The following ZNF506 variants were observed in gnomAD, a reference collection of about 807,000 sequenced individuals.
The protein encoded by ZNF506 is zinc finger protein 506.
ZNF506 carries 10 observed loss-of-function variants against 11.6 expected under a neutral mutation model. That is an observed-to-expected ratio of 0.86 (90% CI 0.53 to 1.46). The LOEUF (loss-of-function observed/expected upper bound fraction) is 1.46, where lower values mean the gene tolerates loss of function less well. Ranked by LOEUF, ZNF506 falls within the 40% of genes most tolerant of loss-of-function variation. The pLI is 0.00. For synonymous variants in ZNF506, 156 were observed against 173.3 expected (o/e 0.90, Z 0.78); for missense variants, 425 against 521.2 (o/e 0.82, Z 1.80).
chr19:19,817,667 A>G (rs2062944044), intron 1 of ZNF506, among the ~76,000 whole-genome samples: 1 of 152,144 alleles, frequency 6.6e-6, no homozygotes. Context: ...TGGGCCTTTA[A>G]TAACTTCCTC....
rs1395746212 is a variant in ZNF506 at position 19,793,396 on chromosome 19, T to TG, written c.*1155dup. Among the ~76,000 whole-genome samples the TG allele has an allele frequency of 1.1e-4, 16 of 152,014 alleles. No individual in the cohort carries two copies. Among genetic ancestry groups the TG allele is most frequent in the African/African-American group, 3.6e-4 (15 of 41,404 alleles). ...CTGATGTTTTCTAAGCTATAGATTTTGAAAAAAAAAGTCTTTCCAAATTCA... is the reference window on the plus strand; with the variant it reads ...CTGATGTTTTCTAAGCTATAGATTTTGGAAAAAAAAAGTCTTTCCAAATTCA... On this transcript the variant is annotated 3_prime_UTR_variant, in exon 4 of 4. Coordinates refer to ENST00000540806, the MANE Select transcript of ZNF506 (RefSeq NM_001099269.3).
intron 3 of ZNF506, among the ~76,000 whole-genome samples, chr19:19,800,852 C>T (rs542530475): frequency 7.9e-5 from 12 of 152,240 alleles, no homozygotes; most frequent in Non-Finnish European, 1.3e-4. Flanking sequence ...TGACTACTCA[C>T]GTAGACAGGA....
At position 19,794,725 on chromosome 19, in the gene ZNF506, TA is replaced by T. The variant is rs778303530; in HGVS notation, c.1161del (p.His387GlnfsTer3). The T allele has an allele frequency of 3.0e-5, 49 of 1,613,434 alleles. No homozygotes were observed. The highest frequency in any genetic ancestry group is 4.0e-5 in the Non-Finnish European group (47 of 1,179,902). ...AFTAFSTLTE[H>X]KIIHTGEKPY... ...GGTTTCTCTCCAGTATGAATTATCT[TA>T]TGTTCAGTTAGAGTTGAGAATGCAG... On this transcript the variant is annotated frameshift_variant, in exon 4 of 4. Coordinates refer to ENST00000540806, the MANE Select transcript of ZNF506 (RefSeq NM_001099269.3). LOFTEE classifies it low-confidence loss of function (END_TRUNC).
intron 1 of ZNF506, among the ~76,000 whole-genome samples, chr19:19,813,372 TA>T (rs1185836731): frequency 6.6e-6 from 1 of 152,204 alleles, no homozygotes; most frequent in Non-Finnish European, 1.5e-5. Context: ...ATATTTCAAT[TA>T]AAACTTTTAC....
chr19:19,801,160 T>TA (rs530563189), intron 3 of ZNF506, among the ~76,000 whole-genome samples: 1,503 of 150,056 alleles, frequency 0.01, 23 homozygotes, highest in African/African-American at 0.034. Context: ...AACTCCCTTT[T>TA]AAAAAAAATA....
At position 19,796,380 on chromosome 19, in the gene ZNF506, C is replaced by G. The variant is rs538747510; in HGVS notation, c.227-720G>C. ...CATCTTTATTTCTGGATTCTAGGGG[C>G]TTTTTTATTTTTATTTTTTATTTTA... On this transcript the variant is annotated intron_variant, in intron 3 of 3. Transcript: ENST00000540806. 7 of 151,846 alleles carry G rather than the reference C, an allele frequency of 4.6e-5. No homozygotes were observed. The East Asian group carries it at 1.2e-3, about 25-fold the overall frequency. 9.4% of individuals were successfully genotyped at this position (151,846 alleles called of 1,614,324 possible).
chr19:19,813,755 G>A (rs1325081967), intron 1 of ZNF506, among the ~76,000 whole-genome samples: 1 of 152,150 alleles, frequency 6.6e-6, no homozygotes, highest in African/African-American at 2.4e-5. Context: ...TAGACTGCCT[G>A]AGCTTAGAAG....
At chr19:19,821,501 G>A (rs2062966776) in intron 1 of ZNF506, 100 bp downstream of exon 1, 23 of 1,489,832 alleles carry the variant, frequency 1.5e-5, no homozygotes, top group South Asian at 3.4e-5. Flanking sequence ...GCTGACTGCC[G>A]GGAGGCCTGA....
intron 3 of ZNF506, chr19:19,798,494 A>C (rs970873303): frequency 2.5e-5 from 2 of 78,496 alleles, no homozygotes; most frequent in Non-Finnish European, 4.7e-5. Context: ...TAAAAATACA[A>C]AAAAAAAAAA....
chr19:19,817,536 T>A (rs565351047), intron 1 of ZNF506, among the ~76,000 whole-genome samples: 67 of 152,232 alleles, frequency 4.4e-4, no homozygotes, highest in African/African-American at 1.5e-3. Flanking sequence ...CTCAACTGCA[T>A]CTGCCTGTGG....
At chr19:19,809,550 TA>T (rs1235845757) in intron 1 of ZNF506, among the ~76,000 whole-genome samples, 1 of 152,216 alleles carries the variant, frequency 6.6e-6, no homozygotes, top group African/African-American at 2.4e-5. Flanking sequence ...GAATATGCTT[TA>T]AAGGTGTCAG....
chr19:19,818,003 T>C (rs1273663750), intron 1 of ZNF506, among the ~76,000 whole-genome samples: 3 of 151,264 alleles, frequency 2.0e-5, no homozygotes, highest in East Asian at 3.9e-4. Context: ...AATTTTTGTA[T>C]TTTTAGCAGA....
intron 3 of ZNF506, among the ~76,000 whole-genome samples, chr19:19,802,130 A>T (rs1298001692): frequency 6.7e-6 from 1 of 149,930 alleles, no homozygotes; most frequent in Non-Finnish European, 1.5e-5. Flanking sequence ...GCTTGAAGCC[A>T]GGAGGTGGAG....
chr19:19,794,628 A>G lies in ZNF506; in HGVS notation c.1259T>C (p.Ile420Thr), dbSNP rs2062722094. The G allele has an allele frequency of 6.2e-7, 1 of 1,613,112 alleles. No individual in the cohort carries two copies. The highest frequency in any genetic ancestry group is 8.5e-7 in the Non-Finnish European group (1 of 1,179,702). The part of the protein sequence containing the change: ...SALNKHKKIH[I>T]RQKPCIVKNV... ...CTTCACTATGCAGGGTTTCTGTCTAATATGAATTTTCTTATGTTTATTAAG... is the reference window on the plus strand; with the variant it reads ...CTTCACTATGCAGGGTTTCTGTCTAGTATGAATTTTCTTATGTTTATTAAG... Residue 420 changes from isoleucine to threonine, a missense_variant, in exon 4 of 4, where the codon ATT (isoleucine) becomes ACT (threonine). By Grantham distance (89) the Ile-to-Thr change is moderately conservative. Around this residue, in one of 3 missense-constraint regions of ZNF506, gnomAD observed 192 missense variants for 215.7 expected, o/e 0.89. Coordinates refer to ENST00000540806, the MANE Select transcript of ZNF506 (RefSeq NM_001099269.3).
At chr19:19,800,333 A>G (rs2062779225) in intron 3 of ZNF506, among the ~76,000 whole-genome samples, 1 of 150,466 alleles carries the variant, frequency 6.6e-6, no homozygotes, top group African/African-American at 2.4e-5. Context: ...TTTGCAAGAT[A>G]AAAATATTCT....
At chr19:19,803,157 T>C (rs750905177) in intron 3 of ZNF506, among the ~76,000 whole-genome samples, 14 of 152,048 alleles carry the variant, frequency 9.2e-5, no homozygotes, top group Admixed American at 2.6e-4. Context: ...CAGGATAGGG[T>C]TCACCCAACT....
chr19:19,806,434 T>A (rs144970423), intron 2 of ZNF506: 191 of 196,906 alleles, frequency 9.7e-4, no homozygotes, highest in Non-Finnish European at 1.6e-3. Context: ...TTTTTGCGTT[T>A]TTAGTACAGA....
At chr19:19,816,810 CTTTTTTTTT>C (rs34297481) in intron 1 of ZNF506, among the ~76,000 whole-genome samples, 11 of 80,246 alleles carry the variant, frequency 1.4e-4, no homozygotes, top group African/African-American at 4.7e-4. Flanking sequence ...AAAATATTTC[CTTTTTTTTT>C]TTTTTTTTTT....
chr19:19,816,364 G>A (rs1197530285), intron 1 of ZNF506, among the ~76,000 whole-genome samples: 2 of 150,968 alleles, frequency 1.3e-5, no homozygotes, highest in Non-Finnish European at 3.0e-5. Flanking sequence ...TTGTTTTTTC[G>A]GTGGTGTTTT....
Sources: allele counts gnomAD v4.1 joint callset (sites outside exome capture counted in the v4.1 genomes callset), GRCh38; gene constraint gnomAD v4.1.1; regional missense constraint gnomAD v4.1.1; transcripts MANE v1.5; gene names NCBI Gene and HGNC (gene_info 2026-07-23, HGNC 2026-07-21).